CACNA2D3: variants seen among roughly 807,000 people sequenced by gnomAD.
CACNA2D3 encodes voltage-dependent calcium channel subunit alpha-2/delta-3.
Under a neutral mutation model 160.6 loss-of-function variants are expected in CACNA2D3, and 60 were observed. The observed-to-expected ratio is 0.37, with a 90% confidence interval of 0.30 to 0.46. CACNA2D3 has a LOEUF of 0.46. Among genes scored for constraint, CACNA2D3 ranks in the 20% least tolerant of loss-of-function variants. The pLI is 1.00. For synonymous variants in CACNA2D3, 558 were observed against 492.9 expected (o/e 1.13, Z -1.75); for missense variants, 1,205 against 1,365.0 (o/e 0.88, Z 1.85).
rs766215022 is a variant in CACNA2D3 at position 54,885,492 on chromosome 3, C to T, written c.1962C>T (p.Ser654=). The change falls in exon 23 of 38, where the codon TCC becomes TCT. Residue 654 remains serine, a synonymous_variant. Coordinates refer to ENST00000474759, the MANE Select transcript of CACNA2D3 (RefSeq NM_018398.3). ...TTGGGCCATGTCATGTTCTTAGGTC[C>T]TACTGCAACACTGACCTACACCCTG... ...HPDVSLADEW[S]YCNTDLHPEH... is the part of the protein sequence containing the mutation. The T allele has an allele frequency of 1.2e-6, 2 of 1,612,698 alleles. No individual in the cohort carries two copies. Among genetic ancestry groups the T allele is most frequent in the African/African-American group, 1.3e-5 (1 of 74,876 alleles).
chr3:54,986,726 T>TCCAC (rs1360465389), intron 30 of CACNA2D3, among the ~76,000 whole-genome samples: 3 of 145,800 alleles, frequency 2.1e-5, no homozygotes, highest in African/African-American at 7.7e-5. Flanking sequence ...TGCAGTGCCC[T>TCCAC]CCACCCACCC....
intron 5 of CACNA2D3, among the ~76,000 whole-genome samples, chr3:54,515,909 T>C (rs909705714): frequency 6.6e-6 from 1 of 152,218 alleles, no homozygotes; most frequent in African/African-American, 2.4e-5. Context: ...CAGAGAACTT[T>C]CAAGAGGACT....
chr3:55,071,376 G>A (rs1201446504), intron 35 of CACNA2D3, among the ~76,000 whole-genome samples: 2 of 152,144 alleles, frequency 1.3e-5, no homozygotes, highest in Non-Finnish European at 2.9e-5. Flanking sequence ...TCATGTGTCT[G>A]TAGGGGGTGT....
intron 17 of CACNA2D3, among the ~76,000 whole-genome samples, chr3:54,854,619 C>G (rs1315640592): frequency 6.6e-6 from 1 of 152,162 alleles, no homozygotes; most frequent in African/African-American, 2.4e-5. Context: ...ACTGCCCTCA[C>G]CACGGGTCTC....
At chr3:54,408,028 G>A (rs563229285) in intron 4 of CACNA2D3, among the ~76,000 whole-genome samples, 1 of 152,292 alleles carries the variant, frequency 6.6e-6, no homozygotes, top group African/African-American at 2.4e-5. Context: ...ATGGCCCTGA[G>A]CTGGACAGAG....
At chr3:54,337,355 G>A (rs11707772) in intron 3 of CACNA2D3, among the ~76,000 whole-genome samples, 2,063 of 152,280 alleles carry the variant, frequency 0.014, 57 homozygotes, top group Admixed American at 0.074. Flanking sequence ...CAGGTCCAGC[G>A]TCCCAGAGGG....
rs1183441934 is a variant in CACNA2D3, at chr3:54,926,799, G to A, written c.2449+26931G>A. On this transcript the variant is annotated intron_variant, in intron 27 of 37. Transcript: ENST00000474759. ...AGTTTTTTTCTTCATTCTAAATGAT[G>A]CTGTAAAACAGCATCCTTGTTCAGA... Among the ~76,000 whole-genome samples the A allele has an allele frequency of 5.3e-5, 8 of 152,106 alleles. No individual in the cohort carries two copies. The East Asian group carries it at 1.4e-3, about 26-fold the overall frequency.
At chr3:54,719,064 G>A (rs1326344504) in intron 11 of CACNA2D3, among the ~76,000 whole-genome samples, 1 of 150,920 alleles carries the variant, frequency 6.6e-6, no homozygotes, top group Non-Finnish European at 1.5e-5. Context: ...TATTTTCTGT[G>A]TATATAATCA....
At chr3:54,630,062 C>G (rs1160529808) in intron 10 of CACNA2D3, among the ~76,000 whole-genome samples, 1 of 152,112 alleles carries the variant, frequency 6.6e-6, no homozygotes. Context: ...AGCCTTGAAC[C>G]AAGTGCGGAG....
chr3:54,298,348 T>C (rs781575724), intron 2 of CACNA2D3, among the ~76,000 whole-genome samples: 16 of 152,270 alleles, frequency 1.1e-4, no homozygotes, highest in Non-Finnish European at 1.2e-4. Context: ...ACACAGGGCA[T>C]GTGCCGGGTT....
chr3:54,944,335 A>G lies in CACNA2D3; in HGVS notation c.2450-24115A>G, dbSNP rs559253441. Among the ~76,000 whole-genome samples, 10 of 151,952 alleles carry G rather than the reference A, an allele frequency of 6.6e-5. No homozygotes were observed. In the East Asian group the frequency reaches 1.7e-3, roughly 26 times the overall value. On this transcript the variant is annotated intron_variant, in intron 27 of 37. Transcript: ENST00000474759. ...CTGCCACGTTTTCTTTTCCCAACAT[A>G]TATCTTTCTACTTTTAAATTCATTT... is the stretch of plus-strand genomic sequence containing the variant.
At position 54,541,011 on chromosome 3, in the gene CACNA2D3, C is replaced by T. The variant is rs150377909; in HGVS notation, c.545-21789C>T. On this transcript the variant is annotated intron_variant, in intron 5 of 37. Transcript: ENST00000474759. ...AGAAAAGGGAGGCCGAGCGTGGTGG[C>T]TCACGCCTGTAATCCCAGCACTTTG... 1.3e-3 allele frequency among the ~76,000 whole-genome samples: 195 copies of T among 152,238 alleles called. 1 individual carries two copies. The highest frequency in any genetic ancestry group is 4.1e-3 in the Admixed American group (63 of 15,300).
chr3:54,928,075 A>G (rs1701078386), intron 27 of CACNA2D3: 1 of 656,548 alleles, frequency 1.5e-6, no homozygotes. Flanking sequence ...TTGCTTTCAA[A>G]AGACCATTTA....
intron 2 of CACNA2D3, among the ~76,000 whole-genome samples, chr3:54,174,959 A>G (rs756621050): frequency 5.3e-5 from 8 of 152,148 alleles, no homozygotes; most frequent in Admixed American, 2.0e-4. Context: ...ATTTGCTGCT[A>G]TAGGCCTTTT....
intron 2 of CACNA2D3, among the ~76,000 whole-genome samples, chr3:54,175,268 C>A (rs1700652843): frequency 6.6e-6 from 1 of 152,090 alleles, no homozygotes. Flanking sequence ...TTGTAGGGGC[C>A]ATGGGGGATG....
At chr3:54,298,781 C>G (rs1474419704) in intron 2 of CACNA2D3, among the ~76,000 whole-genome samples, 1 of 151,490 alleles carries the variant, frequency 6.6e-6, no homozygotes, top group Non-Finnish European at 1.5e-5. Context: ...GCACTCTGGC[C>G]TAGAAGGAAA....
At chr3:54,841,157 GTGGT>G (rs566526068) in intron 16 of CACNA2D3, among the ~76,000 whole-genome samples, 90 of 152,328 alleles carry the variant, frequency 5.9e-4, no homozygotes, top group African/African-American at 1.9e-3. Flanking sequence ...TTCTTACTAT[GTGGT>G]TGGTGTCATC....
At chr3:54,402,580 A>G (rs988969148) in intron 4 of CACNA2D3, among the ~76,000 whole-genome samples, 1 of 152,182 alleles carries the variant, frequency 6.6e-6, no homozygotes, top group Non-Finnish European at 1.5e-5. Context: ...ATTCATCAAG[A>G]GGACATAATG....
Position 54,231,626 on chromosome 3 carries a change from T to G in CACNA2D3, c.205-88816T>G, listed in dbSNP as rs1229579325. Among the ~76,000 whole-genome samples, 8 of 152,222 alleles carry G rather than the reference T, an allele frequency of 5.3e-5. No homozygotes were observed. In the East Asian group the frequency reaches 1.5e-3, roughly 29 times the overall value. ...GGTGCTGCTAGAATGCCACCTTGCA[T>G]CTGAAAGGGATTTTTGTCCAGTTTG... is the stretch of plus-strand genomic sequence containing the variant. On this transcript the variant is annotated intron_variant, in intron 2 of 37. Coordinates refer to ENST00000474759, the MANE Select transcript of CACNA2D3 (RefSeq NM_018398.3).
Sources: gnomAD v4.1 joint callset for allele counts (sites outside exome capture counted in the v4.1 genomes callset) on GRCh38, gnomAD v4.1.1 for gene constraint, MANE v1.5 for transcripts, NCBI Gene and HGNC (gene_info 2026-07-23, HGNC 2026-07-21) for gene names.